Variants in PDE4D observed in about 807,000 individuals in gnomAD.
PDE4D encodes phosphodiesterase 4D.
A neutral mutation model predicts 87.4 loss-of-function variants in PDE4D; 24 were observed. The observed-to-expected ratio is 0.27, with a 90% CI of 0.20 to 0.39. The LOEUF is 0.39. Ranked by LOEUF, PDE4D falls within the 10% of genes least tolerant of loss-of-function variation. PDE4D has a pLI of 1.00. For missense variants in PDE4D, 714 were observed against 1,041.0 expected, an observed-to-expected ratio of 0.69 and a Z score of 4.32; for synonymous variants, 384 against 383.2, an observed-to-expected ratio of 1.00 and a Z score of -0.02.
At chr5:59,011,438 G>C (rs868493629) in intron 6 of PDE4D, among the ~76,000 whole-genome samples, 2 of 152,180 alleles carry the variant, frequency 1.3e-5, no homozygotes, top group South Asian at 2.1e-4. Flanking sequence ...AACCAGCATA[G>C]AGAAGACCTT....
intron 1 of PDE4D, among the ~76,000 whole-genome samples, chr5:59,372,602 G>T (rs1433673913): frequency 6.6e-6 from 1 of 152,098 alleles, no homozygotes; most frequent in Non-Finnish European, 1.5e-5. Context: ...CCTGCTTGTG[G>T]GGCACAGAGA....
intron 1 of PDE4D, among the ~76,000 whole-genome samples, chr5:60,366,002 C>T (rs927979998): frequency 6.6e-6 from 1 of 151,388 alleles, no homozygotes; most frequent in African/African-American, 2.4e-5. Context: ...CAAGATCATG[C>T]CCCTATGCTC....
intron 5 of PDE4D, among the ~76,000 whole-genome samples, chr5:59,108,247 C>T (rs187652387): frequency 6.6e-6 from 1 of 152,310 alleles, no homozygotes; most frequent in Admixed American, 6.5e-5. Flanking sequence ...TCTACACTCA[C>T]TAGTCAAGAC....
At chr5:59,717,060 C>T (rs1170260996) in intron 1 of PDE4D, among the ~76,000 whole-genome samples, 1 of 152,192 alleles carries the variant, frequency 6.6e-6, no homozygotes, top group Non-Finnish European at 1.5e-5. Flanking sequence ...AAAACCCTTT[C>T]ATCTTGGCTT....
chr5:60,025,149 T>C (rs1037202375), intron 2 of PDE4D, among the ~76,000 whole-genome samples: 1 of 152,168 alleles, frequency 6.6e-6, no homozygotes, highest in Non-Finnish European at 1.5e-5. Context: ...AAGATACAGA[T>C]GTAAATGATG....
chr5:59,342,960 A>G (rs924695305), intron 1 of PDE4D, among the ~76,000 whole-genome samples: 5 of 127,456 alleles, frequency 3.9e-5, no homozygotes, highest in African/African-American at 1.6e-4. Context: ...CTACTCTCTT[A>G]GAAATTTTCT....
chr5:58,977,472 A>G, intron 11 of PDE4D, 127 bp from the exon 12 acceptor site: 1 of 762,890 alleles, frequency 1.3e-6, no homozygotes, highest in Non-Finnish European at 2.2e-6. Flanking sequence ...ATTACCTGAC[A>G]ATATCCAGGA....
intron 1 of PDE4D, among the ~76,000 whole-genome samples, chr5:59,827,963 T>C (rs1450338003): frequency 1.3e-5 from 2 of 152,164 alleles, no homozygotes; most frequent in African/African-American, 2.4e-5. Context: ...TGTTAACTTA[T>C]TATTTTCACA....
intron 1 of PDE4D, among the ~76,000 whole-genome samples, chr5:60,197,056 GAT>G (rs1741311293): frequency 9.3e-6 from 1 of 107,678 alleles, no homozygotes; most frequent in African/African-American, 3.8e-5. Flanking sequence ...TAGATAGATA[GAT>G]AGATAGATAG....
chr5:59,586,384 ATCTTCTG>A lies in PDE4D; in HGVS notation c.455+306777_455+306783del, dbSNP rs564823098. ...TTATTCACGTGCATCATGTTCGCAG[ATCTTCTG>A]TCATTAATATTTTTCTTGTCTCCTA... On this transcript the variant is annotated intron_variant, in intron 1 of 14. Coordinates refer to ENST00000340635, the MANE Select transcript of PDE4D (RefSeq NM_001104631.2). 8.2e-4 allele frequency: 1,328 copies of A among 1,611,208 alleles called. 12 individuals carry two copies. In the South Asian group the frequency reaches 0.014, roughly 17 times the overall value.
At chr5:59,198,304 C>T (rs568892080) in intron 2 of PDE4D, among the ~76,000 whole-genome samples, 10 of 152,072 alleles carry the variant, frequency 6.6e-5, no homozygotes, top group South Asian at 2.1e-4. Flanking sequence ...TTTGACACTG[C>T]GTGTCTATAT....
intron 5 of PDE4D, among the ~76,000 whole-genome samples, chr5:59,172,040 A>ATATATT (rs1554087289): frequency 1.0e-3 from 3 of 2,960 alleles, no homozygotes; most frequent in African/African-American, 3.6e-3. Flanking sequence ...TATATATTAT[A>ATATATT]TATATAATAT....
intron 3 of PDE4D, among the ~76,000 whole-genome samples, chr5:59,982,791 A>C (rs1325355661): frequency 6.6e-6 from 1 of 152,250 alleles, no homozygotes; most frequent in Non-Finnish European, 1.5e-5. Flanking sequence ...AATCTGCTAG[A>C]ACATCCATCT....
chr5:59,807,834 C>A (rs1767913826), intron 1 of PDE4D, among the ~76,000 whole-genome samples: 3 of 152,136 alleles, frequency 2.0e-5, no homozygotes, highest in South Asian at 2.1e-4. Flanking sequence ...AAGTGGTATG[C>A]AGGCTCCCAC....
Position 59,617,552 on chromosome 5 carries a change from G to A in PDE4D, c.455+275616C>T, listed in dbSNP as rs189464541. Among the ~76,000 whole-genome samples the A allele has an allele frequency of 1.8e-3, 273 of 152,244 alleles. 1 individual carries two copies. The highest frequency in any genetic ancestry group is 5.2e-3 in the African/African-American group (217 of 41,542). On this transcript the variant is annotated intron_variant, in intron 1 of 14. Transcript: ENST00000340635. ...ATGAGGACATATTGCAAGAGAGTAGGTCCCTAATCCAGTGTGCCTCACGCC... is the reference window on the plus strand; with the variant it reads ...ATGAGGACATATTGCAAGAGAGTAGATCCCTAATCCAGTGTGCCTCACGCC...
chr5:59,087,295 G>A (rs1179819630), intron 5 of PDE4D, among the ~76,000 whole-genome samples: 2 of 152,228 alleles, frequency 1.3e-5, no homozygotes, highest in Admixed American at 1.3e-4. Context: ...GACCAGCCAA[G>A]AAAACATAGG....
chr5:60,055,177 A>T (rs748924442), intron 2 of PDE4D, among the ~76,000 whole-genome samples: 30 of 152,112 alleles, frequency 2.0e-4, no homozygotes, highest in Non-Finnish European at 3.8e-4. Context: ...TTGATTTATC[A>T]TGATTATTTA....
intron 2 of PDE4D, among the ~76,000 whole-genome samples, chr5:60,093,885 T>C (rs1775395077): frequency 6.6e-6 from 1 of 152,194 alleles, no homozygotes; most frequent in Non-Finnish European, 1.5e-5. Flanking sequence ...TATAAACGAT[T>C]TCTGTAAGAT....
intron 1 of PDE4D, among the ~76,000 whole-genome samples, chr5:59,758,924 T>C (rs953576780): frequency 3.3e-5 from 5 of 152,162 alleles, no homozygotes; most frequent in Admixed American, 2.6e-4. Flanking sequence ...TATGACTTAT[T>C]AATAGAGTCT....
Sources: allele counts gnomAD v4.1 joint callset (sites outside exome capture counted in the v4.1 genomes callset), GRCh38; gene constraint gnomAD v4.1.1; transcripts MANE v1.5; gene names NCBI Gene and HGNC (gene_info 2026-07-23, HGNC 2026-07-21).